The following AGTPBP1 variants were observed in gnomAD, a reference collection of about 807,000 sequenced individuals.
AGTPBP1 encodes the protein cytosolic carboxypeptidase 1.
Under a neutral mutation model 143.9 loss-of-function variants are expected in AGTPBP1, and 70 were observed. The observed-to-expected ratio is 0.49, with a 90% CI of 0.40 to 0.59. AGTPBP1 has a LOEUF of 0.59. Among genes scored for constraint, AGTPBP1 ranks in the 20% least tolerant of loss-of-function variants. AGTPBP1 has a pLI of 0.00. For synonymous variants in AGTPBP1, 463 were observed against 500.2 expected, an observed-to-expected ratio of 0.93 and a Z score of 0.99; for missense variants, 1,229 against 1,464.5, an observed-to-expected ratio of 0.84 and a Z score of 2.62.
chr9:85,622,663 A>C (rs1053915215), intron 14 of AGTPBP1, among the ~76,000 whole-genome samples: 3 of 152,240 alleles, frequency 2.0e-5, no homozygotes, highest in African/African-American at 7.2e-5. Flanking sequence ...AAGATCTACT[A>C]TCAAAAAATT....
chr9:85,781,461 G>A, the AGTPBP1 span: 23 of 1,315,540 alleles, frequency 1.7e-5, no homozygotes, highest in Non-Finnish European at 2.3e-5. Context: ...AATTGATTGG[G>A]TTATTTAGGA....
chr9:85,583,019 G>C (rs946118127), intron 23 of AGTPBP1, among the ~76,000 whole-genome samples: 4 of 152,130 alleles, frequency 2.6e-5, no homozygotes, highest in Non-Finnish European at 5.9e-5. Flanking sequence ...ATAAGGGAAA[G>C]GGGAAGGCAG....
chr9:85,570,921 A>G (rs1266595586), intron 25 of AGTPBP1, among the ~76,000 whole-genome samples: 2 of 152,218 alleles, frequency 1.3e-5, no homozygotes. Context: ...ATCAAGTAAG[A>G]AAAAAATATT....
At chr9:85,670,358 A>C (rs896489555) in intron 7 of AGTPBP1, among the ~76,000 whole-genome samples, 1 of 152,152 alleles carries the variant, frequency 6.6e-6, no homozygotes, top group Non-Finnish European at 1.5e-5. Flanking sequence ...ATTTTAAATA[A>C]ATAGGTCAGA....
At chr9:85,702,752 G>C (rs111814175) in intron 2 of AGTPBP1, among the ~76,000 whole-genome samples, 32 of 151,874 alleles carry the variant, frequency 2.1e-4, no homozygotes, top group African/African-American at 6.3e-4. Context: ...AAAAAGATGG[G>C]AGGTGAAGGA....
intron 3 of AGTPBP1, among the ~76,000 whole-genome samples, chr9:85,684,072 T>A (rs1204309110): frequency 6.6e-6 from 1 of 151,908 alleles, no homozygotes; most frequent in Non-Finnish European, 1.5e-5. Context: ...AATTCCAACC[T>A]CACTTGGGAA....
At chr9:85,648,441 G>A (rs1467383304) in intron 11 of AGTPBP1, among the ~76,000 whole-genome samples, 6 of 152,044 alleles carry the variant, frequency 3.9e-5, no homozygotes, top group South Asian at 4.1e-4. Flanking sequence ...ATGCCCTAAC[G>A]GCAGTTGGTC....
the AGTPBP1 span, among the ~76,000 whole-genome samples, chr9:85,767,428 A>G: frequency 6.7e-6 from 1 of 149,586 alleles, no homozygotes; most frequent in South Asian, 2.1e-4. Flanking sequence ...GCTCACTACA[A>G]CCTCCGCCTG....
intron 3 of AGTPBP1, among the ~76,000 whole-genome samples, chr9:85,683,221 C>T (rs1184069343): frequency 6.6e-6 from 1 of 151,982 alleles, no homozygotes; most frequent in Non-Finnish European, 1.5e-5. Context: ...TTAAATTTCT[C>T]CTTTTTAAAA....
intron 1 of AGTPBP1, among the ~76,000 whole-genome samples, chr9:85,734,148 G>T (rs1351497830): frequency 6.6e-6 from 1 of 152,120 alleles, no homozygotes; most frequent in South Asian, 2.1e-4. Context: ...AGCTACTCAG[G>T]ACGCTGAGGC....
At chr9:85,720,724 G>A (rs11559392) in intron 1 of AGTPBP1, among the ~76,000 whole-genome samples, 11,118 of 151,748 alleles carry the variant, frequency 0.073, 1,141 homozygotes, top group East Asian at 0.55. Flanking sequence ...TTTGTTTGCT[G>A]TTGCTTCTCT....
At chr9:85,756,551 A>G in the AGTPBP1 span, among the ~76,000 whole-genome samples, 40 of 151,892 alleles carry the variant, frequency 2.6e-4, no homozygotes, top group South Asian at 7.9e-3. Context: ...ATGGATAGAT[A>G]GATAGATAGA....
chr9:85,657,086 C>T (rs1014221527), intron 10 of AGTPBP1, among the ~76,000 whole-genome samples: 1 of 150,388 alleles, frequency 6.6e-6, no homozygotes, highest in South Asian at 2.1e-4. Context: ...TGCTAGATGA[C>T]GAGTTAGTGG....
chr9:85,802,873 A>G, the AGTPBP1 span, among the ~76,000 whole-genome samples: 1 of 152,180 alleles, frequency 6.6e-6, no homozygotes, highest in South Asian at 2.1e-4. Context: ...AGTACTCTCA[A>G]AGTAAACGCC....
At chr9:85,725,350 G>A (rs945120916) in intron 1 of AGTPBP1, among the ~76,000 whole-genome samples, 6 of 152,242 alleles carry the variant, frequency 3.9e-5, no homozygotes, top group African/African-American at 1.4e-4. Context: ...AGCAATGGCA[G>A]TATTGACAGT....
At chr9:85,780,410 T>C in the AGTPBP1 span, among the ~76,000 whole-genome samples, 1 of 147,544 alleles carries the variant, frequency 6.8e-6, no homozygotes, top group Non-Finnish European at 1.5e-5. Flanking sequence ...ATTTAGTCTT[T>C]ATGGCCTCTT....
chr9:85,701,039 T>A (rs1277706991), intron 2 of AGTPBP1, among the ~76,000 whole-genome samples: 1 of 151,952 alleles, frequency 6.6e-6, no homozygotes, highest in Non-Finnish European at 1.5e-5. Context: ...TGCCTCAGCC[T>A]CCAGAGTAGC....
chr9:85,742,545 A>T (rs185233559), upstream of AGTPBP1, among the ~76,000 whole-genome samples: 128 of 152,312 alleles, frequency 8.4e-4, no homozygotes, highest in Middle Eastern at 3.4e-3. Context: ...AGAAAACAAC[A>T]GGATTGCACC....
intron 1 of AGTPBP1, among the ~76,000 whole-genome samples, chr9:85,731,512 T>C (rs924816779): frequency 1.2e-4 from 19 of 152,046 alleles, no homozygotes; most frequent in African/African-American, 4.3e-4. Flanking sequence ...CAGGCTACAG[T>C]ACAGTGGCAC....
Sources: allele counts gnomAD v4.1 joint callset (sites outside exome capture counted in the v4.1 genomes callset), GRCh38; gene constraint gnomAD v4.1.1; transcripts MANE v1.5; gene names NCBI Gene and HGNC (gene_info 2026-07-23, HGNC 2026-07-21).